Variants in TES observed in about 807,000 individuals in gnomAD.
TES encodes the protein testin.
In TES, 41 loss-of-function variants were observed where a neutral mutation model predicts 48.2. The ratio of observed to expected loss-of-function variants is 0.85; its 90% CI spans 0.66 to 1.10. The LOEUF is 1.10. Among genes scored for constraint, TES ranks in the 50% least tolerant of loss-of-function variants. The pLI is 0.00. For synonymous variants in TES, 162 were observed against 174.9 expected (o/e 0.93, Z 0.58); for missense variants, 463 against 515.1 (o/e 0.90, Z 0.98).
At chr7:116,242,926 C>T (rs765660960) in intron 2 of TES, among the ~76,000 whole-genome samples, 6 of 152,054 alleles carry the variant, frequency 3.9e-5, no homozygotes, top group Non-Finnish European at 7.4e-5. Context: ...TGCTTTCTTG[C>T]TTCACATCTT....
Position 116,257,497 on chromosome 7 carries a change from G to T in TES, c.*15G>T. On this transcript the variant is annotated 3_prime_UTR_variant, in exon 7 of 7. Coordinates refer to ENST00000358204, the MANE Select transcript of TES (RefSeq NM_015641.4). ...GGATGTCTTAGGAGGAGGGCACCCA[G>T]AAGTATCGAGCCATAGCTATCCAAA... is the stretch of plus-strand genomic sequence containing the variant. The T allele has an allele frequency of 6.3e-7, 1 of 1,587,224 alleles. No individual in the cohort carries two copies.
intron 1 of TES, among the ~76,000 whole-genome samples, chr7:116,228,112 A>G (rs796367536): frequency 4.6e-5 from 7 of 150,550 alleles, no homozygotes; most frequent in Admixed American, 1.3e-4. Flanking sequence ...GCTGAAAATT[A>G]TGAATATGGA....
intron 1 of TES, among the ~76,000 whole-genome samples, chr7:116,221,783 T>G (rs1398056338): frequency 6.6e-6 from 1 of 152,198 alleles, no homozygotes; most frequent in African/African-American, 2.4e-5. Context: ...GATTTTGATT[T>G]TTGTGCTTGT....
intron 1 of TES, among the ~76,000 whole-genome samples, chr7:116,233,226 A>G (rs1799723456): frequency 6.6e-6 from 1 of 152,210 alleles, no homozygotes; most frequent in Admixed American, 6.5e-5. Context: ...GTGGTTTGCC[A>G]CTGTACTGAT....
chr7:116,246,809 C>T (rs779366737), intron 2 of TES, among the ~76,000 whole-genome samples: 1 of 152,086 alleles, frequency 6.6e-6, no homozygotes, highest in Admixed American at 6.5e-5. Context: ...GTTTGAAGTC[C>T]AAATTACACC....
intron 6 of TES, among the ~76,000 whole-genome samples, chr7:116,255,445 CA>C (rs1341232113): frequency 6.6e-6 from 1 of 152,170 alleles, no homozygotes; most frequent in Non-Finnish European, 1.5e-5. Context: ...CCTGTGATTA[CA>C]TGTCAGATTT....
At chr7:116,228,936 A>G (rs777462613) in intron 1 of TES, among the ~76,000 whole-genome samples, 2 of 143,824 alleles carry the variant, frequency 1.4e-5, no homozygotes, top group Admixed American at 7.0e-5. Context: ...AGGTTTCCTG[A>G]CTCTCCTCCA....
rs1181749038 is a variant in TES at position 116,251,946 on chromosome 7, G to A, written c.889G>A (p.Glu297Lys). 5.6e-6 allele frequency: 9 copies of A among 1,614,014 alleles called. No homozygotes were observed. The highest frequency in any genetic ancestry group is 3.3e-5 in the South Asian group (3 of 91,076). ...CTGTGGCAGACATTACTGTGACAGC[G>A]AGAAACCCCGATGTGCTGGCTGTGA... ...LYCGRHYCDS[E>K]KPRCAGCDEL... Residue 297 changes from glutamate (E) to lysine (K), a missense_variant, in exon 5 of 7, where the codon GAG (glutamate) becomes AAG (lysine). Coordinates refer to ENST00000358204, the MANE Select transcript of TES (RefSeq NM_015641.4).
intron 6 of TES, among the ~76,000 whole-genome samples, chr7:116,253,132 T>TC (rs1280068068): frequency 5.3e-5 from 8 of 152,204 alleles, no homozygotes; most frequent in Admixed American, 5.2e-4. Flanking sequence ...TCCAGGAGTA[T>TC]CCAAATAGAC....
intron 1 of TES, among the ~76,000 whole-genome samples, chr7:116,218,937 T>G (rs1584609696): frequency 2.6e-5 from 4 of 152,238 alleles, no homozygotes; most frequent in African/African-American, 9.6e-5. Flanking sequence ...ACAAAATTAC[T>G]TTAAGTATAT....
intron 1 of TES, among the ~76,000 whole-genome samples, chr7:116,227,072 T>A (rs1799629670): frequency 1.3e-5 from 2 of 151,612 alleles, no homozygotes; most frequent in South Asian, 4.2e-4. Flanking sequence ...GTTTTCTGTG[T>A]AACCTACACT....
chr7:116,234,547 A>C lies in TES; in HGVS notation c.41A>C (p.His14Pro), dbSNP rs1181662374. Residue 14 changes from histidine (H) to proline (P), a missense_variant, in exon 2 of 7, where the codon CAC (histidine) becomes CCC (proline). Transcript: ENST00000358204. ...ENKVKKMGLG[H>P]EQGFGAPCLK... ...TCTTTTTAACAGATGGGCTTAGGTC[A>C]CGAGCAAGGATTTGGAGCCCCTTGT... 14 of 1,613,886 alleles carry C rather than the reference A, an allele frequency of 8.7e-6. No homozygotes were observed. Among genetic ancestry groups the C allele is most frequent in the Non-Finnish European group, 1.1e-5 (13 of 1,179,788 alleles).
At chr7:116,217,216 G>C (rs752058521) in intron 1 of TES, among the ~76,000 whole-genome samples, 2 of 152,060 alleles carry the variant, frequency 1.3e-5, no homozygotes, top group African/African-American at 4.8e-5. Context: ...TTGATTCTTG[G>C]TTTTGCAAAC....
chr7:116,210,572 C>A lies in TES; in HGVS notation c.-136C>A. The A allele has an allele frequency of 9.9e-7, 1 of 1,006,336 alleles. No homozygotes were observed. Among genetic ancestry groups the A allele is most frequent in the Non-Finnish European group, 1.3e-6 (1 of 768,960 alleles). The allele number at this position is 1,006,336 out of a possible 1,614,324, so 62.3% of individuals were successfully genotyped here. On this transcript the variant is annotated 5_prime_UTR_variant, in exon 1 of 7. Transcript: ENST00000358204. ...GGACTGGGCGGCGGAAGTTCGACGGCGCCGGGCGAGTGGCTGTTGAGCGGC... is the reference window on the plus strand; with the variant it reads ...GGACTGGGCGGCGGAAGTTCGACGGAGCCGGGCGAGTGGCTGTTGAGCGGC...
chr7:116,217,128 C>A (rs1432966874), intron 1 of TES, among the ~76,000 whole-genome samples: 1 of 152,100 alleles, frequency 6.6e-6, no homozygotes, highest in East Asian at 1.9e-4. Flanking sequence ...TTATACCCGT[C>A]AGTGAACTCT....
At chr7:116,242,527 CTCTCTCTCTCTG>C (rs757877461) in intron 2 of TES, among the ~76,000 whole-genome samples, 61 of 93,720 alleles carry the variant, frequency 6.5e-4, no homozygotes, top group Non-Finnish European at 9.3e-4. Flanking sequence ...CTCTCTCTCT[CTCTCTCTCTCTG>C]TCTCTGTCTC....
intron 2 of TES, among the ~76,000 whole-genome samples, chr7:116,239,441 C>G (rs1373250056): frequency 6.6e-6 from 1 of 152,156 alleles, no homozygotes; most frequent in African/African-American, 2.4e-5. Context: ...CCTAATCCTC[C>G]TAATATTTAT....
intron 1 of TES, among the ~76,000 whole-genome samples, chr7:116,225,250 T>A (rs1799608677): frequency 6.6e-6 from 1 of 151,968 alleles, no homozygotes; most frequent in South Asian, 2.1e-4. Flanking sequence ...ATTTCTGCTC[T>A]TCTTCAAATA....
At chr7:116,238,665 G>A (rs956161902) in intron 2 of TES, among the ~76,000 whole-genome samples, 10 of 151,558 alleles carry the variant, frequency 6.6e-5, no homozygotes, top group African/African-American at 9.7e-5. Context: ...GCAATGGTGC[G>A]ATCTCGGCTC....
Sources: gnomAD v4.1 joint callset for allele counts (sites outside exome capture counted in the v4.1 genomes callset) on GRCh38, gnomAD v4.1.1 for gene constraint, MANE v1.5 for transcripts, NCBI Gene and HGNC (gene_info 2026-07-23, HGNC 2026-07-21) for gene names.